DBT: variants seen among roughly 807,000 people sequenced by gnomAD.
DBT encodes dihydrolipoamide branched chain transacylase E2.
In DBT, 40 loss-of-function variants were observed where a neutral mutation model predicts 51.3. The observed-to-expected ratio is 0.78, with a 90% confidence interval of 0.61 to 1.02. The LOEUF is 1.02. Among genes scored for constraint, DBT ranks in the 50% least tolerant of loss-of-function variants. DBT has a pLI of 0.00. For synonymous variants in DBT, 181 were observed against 190.4 expected (o/e 0.95, Z 0.41); for missense variants, 510 against 580.2 (o/e 0.88, Z 1.24).
At chr1:100,241,464 C>T (rs930806875) in intron 1 of DBT, among the ~76,000 whole-genome samples, 12 of 151,288 alleles carry the variant, frequency 7.9e-5, no homozygotes, top group African/African-American at 2.4e-4. Flanking sequence ...GGTGCGATCA[C>T]AGTTCACTGA....
chr1:100,197,492 A>C (rs1391908066), intron 10 of DBT, among the ~76,000 whole-genome samples: 1 of 152,204 alleles, frequency 6.6e-6, no homozygotes, highest in Non-Finnish European at 1.5e-5. Context: ...AGCAAGATAT[A>C]AGAGTAAGTT....
At chr1:100,228,806 G>T (rs1053109229) in intron 4 of DBT, among the ~76,000 whole-genome samples, 1 of 152,046 alleles carries the variant, frequency 6.6e-6, no homozygotes, top group Non-Finnish European at 1.5e-5. Flanking sequence ...TGAAAACATA[G>T]ATGAACAAAG....
chr1:100,206,313 A>T lies in DBT; in HGVS notation c.1210-12T>A, dbSNP rs757787791. The T allele has an allele frequency of 6.9e-6, 11 of 1,602,490 alleles. No homozygotes were observed. Among genetic ancestry groups the T allele is most frequent in the South Asian group, 1.1e-5 (1 of 90,090 alleles). On this transcript the variant is annotated splice_polypyrimidine_tract_variant and intron_variant, in intron 9 of 10. Coordinates refer to ENST00000370132, the MANE Select transcript of DBT (RefSeq NM_001918.5). ...AAGGTACCACCAATCTATTTTTTAA[A>T]AAAAAAAAAAGGAGAGTATTAAAAG...
rs1434548464 is a variant in DBT, at chr1:100,188,303, G to C, written c.*7952C>G. 6.6e-6 allele frequency: 1 copy of C among 152,092 alleles called. No homozygotes were observed. The highest frequency in any genetic ancestry group is 2.4e-5 in the African/African-American group (1 of 41,392). The allele number at this position is 152,092 out of a possible 1,614,324, so 9.4% of individuals were successfully genotyped here. A position where few individuals can be genotyped will look rare whatever the true frequency, so the allele number is the denominator to read the frequency against. Reference sequence around the variant, plus strand: ...CACCTGCCCACAACTTAATTTACTTGCCTTTGTTACTACAGTTTGAACTCC... The same window carrying C: ...CACCTGCCCACAACTTAATTTACTTCCCTTTGTTACTACAGTTTGAACTCC... On this transcript the variant is annotated 3_prime_UTR_variant, in exon 11 of 11. Coordinates refer to ENST00000370132, the MANE Select transcript of DBT (RefSeq NM_001918.5).
chr1:100,213,125 C>T (rs1662251584), intron 7 of DBT, among the ~76,000 whole-genome samples: 1 of 152,244 alleles, frequency 6.6e-6, no homozygotes, highest in South Asian at 2.1e-4. Flanking sequence ...CCTCTCTGAG[C>T]CCCAATTTCC....
chr1:100,245,815 G>A (rs1337008359), intron 1 of DBT, among the ~76,000 whole-genome samples: 1 of 152,092 alleles, frequency 6.6e-6, no homozygotes, highest in African/African-American at 2.4e-5. Flanking sequence ...AGTTGGCTGT[G>A]GTGGTGAATG....
chr1:100,209,872 C>T (rs769071366), intron 8 of DBT, among the ~76,000 whole-genome samples: 111 of 152,182 alleles, frequency 7.3e-4, no homozygotes, highest in South Asian at 8.3e-4. Flanking sequence ...TCTGGTTGTG[C>T]ACTTCTAATG....
intron 4 of DBT, among the ~76,000 whole-genome samples, chr1:100,227,243 ACATATGAC>A (rs1391057465): frequency 2.0e-5 from 3 of 152,252 alleles, no homozygotes; most frequent in African/African-American, 7.2e-5. Context: ...TCGTTATGCG[ACATATGAC>A]CATACACTCA....
chr1:100,213,809 G>T, intron 7 of DBT: 3 of 1,422,128 alleles, frequency 2.1e-6, no homozygotes, highest in Non-Finnish European at 2.8e-6. Context: ...CGCCAGCTGC[G>T]GTTTCCCGGA....
At chr1:100,208,053 T>C (rs1661905858) in intron 8 of DBT, among the ~76,000 whole-genome samples, 1 of 152,044 alleles carries the variant, frequency 6.6e-6, no homozygotes, top group Non-Finnish European at 1.5e-5. Flanking sequence ...GAGAATGGCA[T>C]GAACCCAGGA....
At chr1:100,227,721 A>C (rs1445153195) in intron 4 of DBT, among the ~76,000 whole-genome samples, 1 of 152,242 alleles carries the variant, frequency 6.6e-6, no homozygotes, top group African/African-American at 2.4e-5. Flanking sequence ...TCAGATGTTA[A>C]GTGTATCCTG....
Position 100,219,031 on chromosome 1 carries a change from A to C in DBT, c.434-284T>G, listed in dbSNP as rs72973768. Among the ~76,000 whole-genome samples the C allele has an allele frequency of 0.036, 5,463 of 152,060 alleles. 354 individuals are homozygous for C. The highest frequency in any genetic ancestry group is 0.13 in the African/African-American group (5,203 of 41,422). ...AATAATATAGCAGCTACAAGTTTAA[A>C]CATGAGAGTTTTCCTCAAGAAATTT... On this transcript the variant is annotated intron_variant, in intron 4 of 10. Coordinates refer to ENST00000370132, the MANE Select transcript of DBT (RefSeq NM_001918.5).
chr1:100,208,910 C>CA (rs11369687), intron 8 of DBT, among the ~76,000 whole-genome samples: 69,872 of 109,132 alleles, frequency 0.64, 20,449 homozygotes, highest in East Asian at 0.75. Flanking sequence ...GACTCTGTAT[C>CA]AAAAAAAAAA....
chr1:100,232,810 T>C (rs1468929125), intron 3 of DBT, among the ~76,000 whole-genome samples: 2 of 152,162 alleles, frequency 1.3e-5, no homozygotes, highest in East Asian at 1.9e-4. Flanking sequence ...GGAATACGTA[T>C]GACAGAAATA....
At chr1:100,222,370 A>G (rs1451672961) in intron 4 of DBT, among the ~76,000 whole-genome samples, 1 of 152,232 alleles carries the variant, frequency 6.6e-6, no homozygotes, top group Non-Finnish European at 1.5e-5. Context: ...GAATTTTGTA[A>G]ATAATGCATA....
At chr1:100,249,598 C>T (rs1664790759) in intron 1 of DBT, among the ~76,000 whole-genome samples, 172 bp downstream of exon 1, 7 of 152,142 alleles carry the variant, frequency 4.6e-5, no homozygotes, top group Admixed American at 3.9e-4. Flanking sequence ...GTTTCCACTC[C>T]AGACTGGTCG....
At position 100,218,720 on chromosome 1, in the gene DBT, G is replaced by A. The variant is rs762751168; in HGVS notation, c.461C>T (p.Pro154Leu). Reference sequence around the variant, plus strand: ...TGTATGTTCATCATGAGACACTGCAGGAGTTTCAACAACATCTTCTTCTGA... The same window carrying A: ...TGTATGTTCATCATGAGACACTGCAAGAGTTTCAACAACATCTTCTTCTGA... ...KDSEEDVVET[P>L]AVSHDEHTHQ... Residue 154 changes from proline to leucine, a missense_variant, in exon 5 of 11, where the codon CCT becomes CTT. Physicochemically the swap from Pro to Leu is moderately conservative, Grantham distance 98. Transcript: ENST00000370132. The A allele has an allele frequency of 1.9e-6, 3 of 1,613,686 alleles. No individual in the cohort carries two copies. Among genetic ancestry groups the A allele is most frequent in the Non-Finnish European group, 2.5e-6 (3 of 1,179,844 alleles).
At position 100,196,328 on chromosome 1, in the gene DBT, G is replaced by A; in HGVS notation, c.1376C>T (p.Thr459Ile). The change falls in exon 11 of 11, where the codon ACA (threonine) becomes ATA (isoleucine). Residue 459 changes from threonine (T) to isoleucine (I), a missense_variant. By Grantham distance (89) the Thr-to-Ile change is moderately conservative. Coordinates refer to ENST00000370132, the MANE Select transcript of DBT (RefSeq NM_001918.5). Reference protein sequence around the residue: ...SADHRVIDGATMSRFSNLWKS... With the variant: ...SADHRVIDGAIMSRFSNLWKS... Reference sequence around the variant, plus strand: ...CCACAAATTGGAGAAGCGTGACATTGTAGCACCATCAATAACTCTGTGATC... The same window carrying A: ...CCACAAATTGGAGAAGCGTGACATTATAGCACCATCAATAACTCTGTGATC... The A allele has an allele frequency of 6.3e-7, 1 of 1,589,152 alleles. No homozygotes were observed. The highest frequency in any genetic ancestry group is 8.6e-7 in the Non-Finnish European group (1 of 1,168,214).
chr1:100,240,655 G>C, intron 2 of DBT, 106 bp downstream of exon 2: 1 of 916,496 alleles, frequency 1.1e-6, no homozygotes, highest in South Asian at 1.4e-5. Context: ...TAGAAATACA[G>C]AGTCAACTTT....
Sources: gnomAD v4.1 joint callset for allele counts (sites outside exome capture counted in the v4.1 genomes callset) on GRCh38, gnomAD v4.1.1 for gene constraint, MANE v1.5 for transcripts, NCBI Gene and HGNC (gene_info 2026-07-23, HGNC 2026-07-21) for gene names.